Variants in ARHGEF3 observed in about 807,000 individuals in gnomAD.
ARHGEF3 encodes the protein Rho guanine nucleotide exchange factor 3.
ARHGEF3 carries 28 observed loss-of-function variants against 63.2 expected under a neutral mutation model. That is an observed-to-expected ratio of 0.44 (90% CI 0.33 to 0.61). The LOEUF (loss-of-function observed/expected upper bound fraction) is 0.61. Among genes scored for constraint, ARHGEF3 ranks in the 20% least tolerant of loss-of-function variants. The probability of loss-of-function intolerance (pLI) is 0.03; values close to 1 mark genes in which losing one functional copy is unlikely to be tolerated. For missense variants in ARHGEF3, 533 were observed against 659.3 expected (o/e 0.81, Z 2.10); for synonymous variants, 266 against 254.2 (o/e 1.05, Z -0.44).
intron 3 of ARHGEF3, chr3:56,916,376 G>A: frequency 6.5e-7 from 1 of 1,533,150 alleles, no homozygotes; most frequent in Non-Finnish European, 8.7e-7. Flanking sequence ...GGACTCACCG[G>A]CTCCTAACTG....
At chr3:57,027,524 G>A (rs1171660215) in intron 2 of ARHGEF3, among the ~76,000 whole-genome samples, 1 of 152,120 alleles carries the variant, frequency 6.6e-6, no homozygotes, top group Non-Finnish European at 1.5e-5. Flanking sequence ...CAGGTGGGGT[G>A]GTGAGAAGGC....
At chr3:56,830,023 C>A (rs1284801360) in intron 4 of ARHGEF3, among the ~76,000 whole-genome samples, 1 of 152,206 alleles carries the variant, frequency 6.6e-6, no homozygotes, top group South Asian at 2.1e-4. Flanking sequence ...ACGATCACCC[C>A]ATTTTACAGC....
intron 7 of ARHGEF3, among the ~76,000 whole-genome samples, chr3:56,744,058 T>C (rs1181963472): frequency 2.0e-5 from 3 of 152,164 alleles, no homozygotes; most frequent in African/African-American, 7.2e-5. Flanking sequence ...TAAATTGATA[T>C]TTAAAAACCT....
chr3:56,785,998 T>C (rs550692891), intron 1 of ARHGEF3, among the ~76,000 whole-genome samples: 1 of 152,224 alleles, frequency 6.6e-6, no homozygotes, highest in Middle Eastern at 3.4e-3. Context: ...AAACACAAAA[T>C]ATGTTCAAGA....
At chr3:56,856,848 C>G (rs540364755) in intron 4 of ARHGEF3, among the ~76,000 whole-genome samples, 1 of 151,396 alleles carries the variant, frequency 6.6e-6, no homozygotes, top group South Asian at 2.1e-4. Context: ...CAAGATGAAC[C>G]AACTTACTCT....
At chr3:57,031,300 C>A (rs1237382263) in intron 2 of ARHGEF3, among the ~76,000 whole-genome samples, 4 of 152,188 alleles carry the variant, frequency 2.6e-5, no homozygotes, top group African/African-American at 9.7e-5. Flanking sequence ...TTACTGATTA[C>A]CATTTCTGAA....
chr3:56,945,865 G>A (rs536308638), intron 3 of ARHGEF3, among the ~76,000 whole-genome samples: 2 of 152,160 alleles, frequency 1.3e-5, no homozygotes, highest in African/African-American at 4.8e-5. Context: ...TAACCTAACT[G>A]GGAGGCACCC....
At chr3:56,821,727 G>T (rs557705373) in intron 4 of ARHGEF3, among the ~76,000 whole-genome samples, 5 of 152,254 alleles carry the variant, frequency 3.3e-5, no homozygotes, top group South Asian at 4.1e-4. Flanking sequence ...ACTTTGGGAG[G>T]CCGAGGTGGG....
intron 3 of ARHGEF3, among the ~76,000 whole-genome samples, chr3:56,912,504 A>AT (rs1327509398): frequency 6.6e-6 from 1 of 152,210 alleles, no homozygotes; most frequent in African/African-American, 2.4e-5. Flanking sequence ...CTACTTAACC[A>AT]TGTAGGTGAC....
At chr3:57,035,345 ATTTTC>A (rs944061712) in intron 1 of ARHGEF3, among the ~76,000 whole-genome samples, 3 of 152,098 alleles carry the variant, frequency 2.0e-5, no homozygotes, top group Non-Finnish European at 2.9e-5. Flanking sequence ...CAGGTACAAC[ATTTTC>A]TTTTCTTTTC....
At chr3:56,954,831 C>T (rs1699970467) in intron 3 of ARHGEF3, among the ~76,000 whole-genome samples, 1 of 152,202 alleles carries the variant, frequency 6.6e-6, no homozygotes, top group African/African-American at 2.4e-5. Context: ...TACAGCCAAA[C>T]ACTCCAGCAT....
chr3:56,739,213 G>A (rs1247805382), intron 7 of ARHGEF3, among the ~76,000 whole-genome samples: 1 of 152,086 alleles, frequency 6.6e-6, no homozygotes, highest in African/African-American at 2.4e-5. Context: ...GGTGGTAACT[G>A]AAAAGTACTT....
intron 7 of ARHGEF3, among the ~76,000 whole-genome samples, chr3:56,744,331 T>C (rs2034240164): frequency 6.6e-6 from 1 of 151,828 alleles, no homozygotes; most frequent in Non-Finnish European, 1.5e-5. Context: ...CCATTTTTCC[T>C]CGTCTTCTAT....
At chr3:56,865,700 T>C (rs879599831) in intron 4 of ARHGEF3, among the ~76,000 whole-genome samples, 2 of 152,136 alleles carry the variant, frequency 1.3e-5, no homozygotes, top group Non-Finnish European at 2.9e-5. Context: ...GAAATTCATA[T>C]GTTGAAATTC....
At chr3:57,074,563 C>A in intron 1 of ARHGEF3, 1 of 358,864 alleles carries the variant, frequency 2.8e-6, no homozygotes. Context: ...ATCAATTGAT[C>A]AATCAATCGA....
At chr3:57,026,725 G>T (rs1204671398) in intron 2 of ARHGEF3, among the ~76,000 whole-genome samples, 1 of 152,212 alleles carries the variant, frequency 6.6e-6, no homozygotes, top group Non-Finnish European at 1.5e-5. Context: ...TTTCCTGCCT[G>T]TTGTGCTACA....
rs552097484 is a variant in ARHGEF3 at position 56,729,890 on chromosome 3, T to C, written c.1229-268A>G. ...ATCTTGGAACCACAAAGTCAAGTGATTTAGGGGAGCCCAGAGTACTGGTGA... is the reference window on the plus strand; with the variant it reads ...ATCTTGGAACCACAAAGTCAAGTGACTTAGGGGAGCCCAGAGTACTGGTGA... On this transcript the variant is annotated intron_variant, in intron 9 of 9. Coordinates refer to ENST00000296315, the MANE Select transcript of ARHGEF3 (RefSeq NM_019555.3). Among the ~76,000 whole-genome samples the C allele has an allele frequency of 2.6e-5, 4 of 152,088 alleles. No individual in the cohort carries two copies. The South Asian group carries it at 6.2e-4, about 24-fold the overall frequency.
chr3:56,842,767 T>C (rs2039357317), intron 4 of ARHGEF3, among the ~76,000 whole-genome samples: 1 of 152,162 alleles, frequency 6.6e-6, no homozygotes, highest in South Asian at 2.1e-4. Context: ...TCATAGCTGA[T>C]CCCTGAGCAG....
chr3:57,078,338 C>T (rs1706306679), intron 1 of ARHGEF3, among the ~76,000 whole-genome samples: 1 of 152,200 alleles, frequency 6.6e-6, no homozygotes, highest in Non-Finnish European at 1.5e-5. Flanking sequence ...TGGCAGTTCT[C>T]GCGTCCTCGC....
Sources: allele counts gnomAD v4.1 joint callset (sites outside exome capture counted in the v4.1 genomes callset), GRCh38; gene constraint gnomAD v4.1.1; transcripts MANE v1.5; gene names NCBI Gene and HGNC (gene_info 2026-07-23, HGNC 2026-07-21).